UNC13C: variants seen among roughly 807,000 people sequenced by gnomAD.
UNC13C encodes protein unc-13 homolog C.
Under a neutral mutation model 245.4 loss-of-function variants are expected in UNC13C, and 174 were observed. The ratio of observed to expected loss-of-function variants is 0.71; its 90% CI spans 0.63 to 0.80. The LOEUF (loss-of-function observed/expected upper bound fraction) is 0.80. Among genes scored for constraint, UNC13C ranks in the 30% least tolerant of loss-of-function variants. UNC13C has a pLI of 0.00. For synonymous variants in UNC13C, 992 were observed against 895.1 expected (o/e 1.11, Z -1.93); for missense variants, 2,829 against 2,602.9 (o/e 1.09, Z -1.89).
chr15:54,144,268 C>A (rs2032157977), intron 4 of UNC13C, among the ~76,000 whole-genome samples: 1 of 151,660 alleles, frequency 6.6e-6, no homozygotes, highest in Non-Finnish European at 1.5e-5. Flanking sequence ...TGTTCATAGG[C>A]ATTTTTCTAC....
intron 19 of UNC13C, among the ~76,000 whole-genome samples, chr15:54,447,589 G>T (rs1238825966): frequency 2.0e-5 from 3 of 152,166 alleles, no homozygotes; most frequent in African/African-American, 7.2e-5. Flanking sequence ...TCTGATGGTA[G>T]TTTGTATTTC....
chr15:54,172,356 T>C (rs1036976975), intron 4 of UNC13C, among the ~76,000 whole-genome samples: 3 of 151,992 alleles, frequency 2.0e-5, no homozygotes, highest in Non-Finnish European at 4.4e-5. Context: ...TGTTAAAATA[T>C]ACCATGTACC....
At chr15:54,481,081 G>T (rs1477980771) in intron 19 of UNC13C, among the ~76,000 whole-genome samples, 1 of 152,184 alleles carries the variant, frequency 6.6e-6, no homozygotes, top group Non-Finnish European at 1.5e-5. Context: ...GCAGGGCATA[G>T]TAGTGTGTTC....
rs118014485 is a variant in UNC13C, at chr15:54,048,299, A to G, written c.2983+32413A>G. On this transcript the variant is annotated intron_variant, in intron 2 of 32. Transcript: ENST00000260323. Reference sequence around the variant, plus strand: ...CAATCTATTTGGAGACCTTCTGCATACTGCAAGTATTGTTTATGTTTCCTC... The same window carrying G: ...CAATCTATTTGGAGACCTTCTGCATGCTGCAAGTATTGTTTATGTTTCCTC... Among the ~76,000 whole-genome samples the G allele has an allele frequency of 7.2e-4, 110 of 152,300 alleles. 2 individuals are homozygous for G. The East Asian group carries it at 0.021, about 29-fold the overall frequency.
the UNC13C span, among the ~76,000 whole-genome samples, chr15:53,970,213 G>T: frequency 6.6e-6 from 1 of 152,016 alleles, no homozygotes; most frequent in African/African-American, 2.4e-5. Context: ...GGGATTAAAG[G>T]CATGCACCGC....
intron 1 of UNC13C, among the ~76,000 whole-genome samples, chr15:53,987,052 T>C (rs2725592): frequency 0.99 from 150,158 of 152,138 alleles, 74,129 homozygotes; most frequent in Middle Eastern, 1. Flanking sequence ...CAATATTGCA[T>C]GATAAGATAC....
In UNC13C at chr15:54,013,811, G is replaced by C. The variant is rs1895502736; in HGVS notation, c.908G>C (p.Arg303Thr). ...TTTGTCCAGTCTCGGAGGGAAACTAGAGACATCCATGATTATATTAAGCAC... is the reference window on the plus strand; with the variant it reads ...TTTGTCCAGTCTCGGAGGGAAACTACAGACATCCATGATTATATTAAGCAC... ...TGFVQSRRET[R>T]DIHDYIKHLG... Residue 303 changes from arginine to threonine, a missense_variant, in exon 2 of 33, where the codon AGA becomes ACA. Physicochemically the swap from Arg to Thr is moderately conservative, Grantham distance 71. Transcript: ENST00000260323. 7.4e-6 allele frequency: 12 copies of C among 1,612,118 alleles called. No homozygotes were observed. Among genetic ancestry groups the C allele is most frequent in the Non-Finnish European group, 9.3e-6 (11 of 1,179,314 alleles).
intron 4 of UNC13C, among the ~76,000 whole-genome samples, chr15:54,211,754 G>T (rs1427080756): frequency 6.6e-6 from 1 of 152,102 alleles, no homozygotes; most frequent in Non-Finnish European, 1.5e-5. Flanking sequence ...ATATTTGGCA[G>T]ATCTAACATT....
chr15:54,250,341 A>C lies in UNC13C; in HGVS notation c.3345A>C (p.Glu1115Asp). The stretch of plus-strand genomic sequence containing the variant: ...CACCCACCTACTGTTATGAGTGTGA[A>C]GGGCTCCTGTGGGGCATTGCAAGGC... ...ATTPTYCYECEGLLWGIARQG... is the reference protein window; with the variant it reads ...ATTPTYCYECDGLLWGIARQG... Residue 1115 changes from glutamate (E) to aspartate (D), a missense_variant, in exon 8 of 33, where the codon GAA (glutamate) becomes GAC (aspartate). Transcript: ENST00000260323. 4.3e-6 allele frequency: 7 copies of C among 1,613,932 alleles called. No homozygotes were observed. Among genetic ancestry groups the C allele is most frequent in the Non-Finnish European group, 5.9e-6 (7 of 1,179,868 alleles).
chr15:54,214,864 C>T (rs1415865787), intron 4 of UNC13C, among the ~76,000 whole-genome samples: 2 of 151,828 alleles, frequency 1.3e-5, no homozygotes, highest in Admixed American at 6.6e-5. Context: ...AGCTTTGAAC[C>T]ACAGAAGTGT....
the UNC13C span, among the ~76,000 whole-genome samples, chr15:53,906,707 G>C: frequency 6.6e-6 from 1 of 152,140 alleles, no homozygotes; most frequent in Non-Finnish European, 1.5e-5. Flanking sequence ...CCCTGTATTA[G>C]TCCATTCTCA....
chr15:54,190,262 T>C (rs1366294168), intron 4 of UNC13C, among the ~76,000 whole-genome samples: 1 of 152,150 alleles, frequency 6.6e-6, no homozygotes, highest in African/African-American at 2.4e-5. Context: ...TTTCTTTTTC[T>C]TTTTTTATTT....
chr15:54,368,483 A>G (rs2039416629), intron 17 of UNC13C, among the ~76,000 whole-genome samples: 1 of 151,982 alleles, frequency 6.6e-6, no homozygotes, highest in African/African-American at 2.4e-5. Flanking sequence ...TAGAAGTGCC[A>G]CAACATGTGA....
chr15:54,330,215 A>G (rs1323327135), intron 14 of UNC13C, among the ~76,000 whole-genome samples: 5 of 152,060 alleles, frequency 3.3e-5, no homozygotes. Context: ...GCAAACACTA[A>G]TGTAACAAAC....
Position 54,013,053 on chromosome 15 carries a change from C to A in UNC13C, c.150C>A (p.Thr50=), listed in dbSNP as rs764565003. 10 of 1,613,840 alleles carry A rather than the reference C, an allele frequency of 6.2e-6. No homozygotes were observed. The South Asian group carries it at 9.9e-5, about 16-fold the overall frequency. ...KDQDFPTAGQ[T]KSPKFSYTFK... is the part of the protein sequence containing the mutation. ...AAGACTTCCCCACTGCTGGCCAGAC[C>A]AAATCCCCCAAATTTTCTTACACTT... The change falls in exon 2 of 33, where the codon ACC becomes ACA. Residue 50 remains threonine (T), a synonymous_variant. Transcript: ENST00000260323.
chr15:54,235,340 G>A (rs1286315904), intron 5 of UNC13C, among the ~76,000 whole-genome samples: 1 of 152,098 alleles, frequency 6.6e-6, no homozygotes, highest in African/African-American at 2.4e-5. Context: ...TTACAATTAA[G>A]TGACTATGAC....
chr15:53,945,855 G>T, the UNC13C span, among the ~76,000 whole-genome samples: 2 of 152,108 alleles, frequency 1.3e-5, no homozygotes, highest in African/African-American at 4.8e-5. Context: ...TCATTTTAAT[G>T]ATAATGATTC....
intron 1 of UNC13C, among the ~76,000 whole-genome samples, chr15:53,984,159 T>C (rs1595677709): frequency 1.3e-5 from 2 of 152,170 alleles, no homozygotes; most frequent in East Asian, 3.9e-4. Flanking sequence ...TCAAGGACAC[T>C]ATATTGCTTA....
Position 54,026,786 on chromosome 15 carries a change from T to A in UNC13C, c.2983+10900T>A, listed in dbSNP as rs577244183. ...AACCTAGACTGTTATATATATTTAT[T>A]CTTTCAGTCATTAATTCATGCATTG... On this transcript the variant is annotated intron_variant, in intron 2 of 32. Transcript: ENST00000260323. 3.3e-5 allele frequency among the ~76,000 whole-genome samples: 5 copies of A among 152,340 alleles called. No individual in the cohort carries two copies. In the East Asian group the frequency reaches 9.6e-4, roughly 29 times the overall value.
Sources: gnomAD v4.1 joint callset for allele counts (sites outside exome capture counted in the v4.1 genomes callset) on GRCh38, gnomAD v4.1.1 for gene constraint, MANE v1.5 for transcripts, NCBI Gene and HGNC (gene_info 2026-07-23, HGNC 2026-07-21) for gene names.